The following SGCD variants were observed in gnomAD, a reference collection of about 807,000 sequenced individuals.
SGCD encodes sarcoglycan delta, also known as delta-sarcoglycan.
Under a neutral mutation model 36.6 loss-of-function variants are expected in SGCD, and 18 were observed. The ratio of observed to expected loss-of-function variants is 0.49; its 90% CI spans 0.34 to 0.73. The LOEUF (loss-of-function observed/expected upper bound fraction) is 0.73, where lower values mean the gene tolerates loss of function less well. Ranked by LOEUF, SGCD falls within the 30% of genes least tolerant of loss-of-function variation. The pLI is 0.01. For synonymous variants in SGCD, 133 were observed against 130.6 expected (o/e 1.02, Z -0.12); for missense variants, 387 against 346.7 (o/e 1.12, Z -0.92).
At chr5:155,957,684 A>C (rs1757691614) in intron 1 of SGCD, among the ~76,000 whole-genome samples, 1 of 152,020 alleles carries the variant, frequency 6.6e-6, no homozygotes, top group South Asian at 2.1e-4. Flanking sequence ...CATCTTGCAC[A>C]CCTAAGGACC....
At position 156,396,145 on chromosome 5, in the gene SGCD, A is replaced by G. The variant is rs553137454; in HGVS notation, c.192+51468A>G. 2.0e-5 allele frequency among the ~76,000 whole-genome samples: 3 copies of G among 152,286 alleles called. No individual in the cohort carries two copies. In the East Asian group the frequency reaches 5.8e-4, roughly 29 times the overall value. ...CTTCCACACTCTCCCCACCACTGCA[A>G]TCCATTTTCCCCTGGAACGATTTAA... On this transcript the variant is annotated intron_variant, in intron 3 of 8. Coordinates refer to ENST00000337851, the MANE Select transcript of SGCD (RefSeq NM_000337.6).
chr5:155,741,635 C>T, the SGCD span, among the ~76,000 whole-genome samples: 1 of 151,668 alleles, frequency 6.6e-6, no homozygotes, highest in Non-Finnish European at 1.5e-5. Flanking sequence ...ACCCCCACAC[C>T]ACTTTCCCAT....
Position 156,595,199 on chromosome 5 carries a change from C to A in SGCD, c.502+148C>A, listed in dbSNP as rs576623545. 18 of 923,834 alleles carry A rather than the reference C, an allele frequency of 1.9e-5. 1 individual carries two copies. The highest frequency in any genetic ancestry group is 1.8e-4 in the South Asian group (10 of 54,620). 57.2% of individuals were successfully genotyped at this position (923,834 alleles called of 1,614,324 possible). On this transcript the variant is annotated intron_variant, in intron 6 of 8. Transcript: ENST00000337851. ...AAGATAATGGTATTAGGAGGTGGAG[C>A]CTTGAGGGGTAATTAAGTCATGAGG...
the SGCD span, among the ~76,000 whole-genome samples, chr5:155,749,971 G>T: frequency 1.3e-5 from 2 of 152,298 alleles, no homozygotes; most frequent in African/African-American, 4.8e-5. Context: ...TGTTGAAGCT[G>T]TAATGACTTT....
At chr5:156,441,256 T>C (rs1261529529) in intron 3 of SGCD, among the ~76,000 whole-genome samples, 5 of 152,146 alleles carry the variant, frequency 3.3e-5, no homozygotes, top group African/African-American at 1.2e-4. Context: ...ACATTGGTCA[T>C]AGACACAGCG....
At chr5:156,496,801 G>A (rs916039729) in intron 3 of SGCD, among the ~76,000 whole-genome samples, 14 of 152,092 alleles carry the variant, frequency 9.2e-5, no homozygotes, top group African/African-American at 3.1e-4. Flanking sequence ...GAGCAGCAAA[G>A]TGCTTAAAAT....
chr5:155,927,052 C>T (rs1357422433), intron 1 of SGCD, among the ~76,000 whole-genome samples: 2 of 152,132 alleles, frequency 1.3e-5, no homozygotes, highest in Non-Finnish European at 2.9e-5. Context: ...AAGAGTTATC[C>T]AGTCCACAAT....
chr5:156,037,255 TG>T lies in SGCD; in HGVS notation c.-281-80619del, dbSNP rs143812826. Among the ~76,000 whole-genome samples the T allele has an allele frequency of 3.8e-3, 579 of 152,272 alleles. 4 individuals are homozygous for T. Among genetic ancestry groups the T allele is most frequent in the African/African-American group, 0.013 (551 of 41,564 alleles). On this transcript the variant is annotated intron_variant, in intron 1 of 9. Coordinates refer to the SGCD transcript ENST00000517913. The stretch of plus-strand genomic sequence containing the variant: ...CTTCCCTGAGAGAGGCAAAAGAAGC[TG>T]GGGACAAGGAGCCATCTGAGCAGCA...
chr5:155,802,818 G>T, the SGCD span, among the ~76,000 whole-genome samples: 3 of 152,132 alleles, frequency 2.0e-5, no homozygotes, highest in Admixed American at 2.0e-4. Context: ...ATGGGAAAAA[G>T]GGCCAACATG....
At chr5:155,884,214 C>A (rs1424047991) in intron 1 of SGCD, among the ~76,000 whole-genome samples, 2 of 152,136 alleles carry the variant, frequency 1.3e-5, no homozygotes, top group African/African-American at 4.8e-5. Context: ...GATGAGGGAG[C>A]TTACAGGCCT....
chr5:156,505,780 AACAC>A (rs56290159), intron 3 of SGCD, among the ~76,000 whole-genome samples: 29,186 of 150,054 alleles, frequency 0.19, 2,854 homozygotes, highest in East Asian at 0.23. Context: ...ATATACACCA[AACAC>A]ACACACACAC....
chr5:156,285,629 A>G (rs1766572291), intron 3 of SGCD, among the ~76,000 whole-genome samples: 1 of 152,224 alleles, frequency 6.6e-6, no homozygotes, highest in Non-Finnish European at 1.5e-5. Flanking sequence ...ATATGTAGAA[A>G]GCTGAAACTG....
chr5:156,377,131 A>G (rs1504927), intron 3 of SGCD, among the ~76,000 whole-genome samples: 120,977 of 152,148 alleles, frequency 0.8, 48,949 homozygotes, highest in African/African-American at 0.95. Flanking sequence ...CAGTGTTATG[A>G]GGATAATGAA....
chr5:155,849,443 C>T, the SGCD span, among the ~76,000 whole-genome samples: 23 of 150,094 alleles, frequency 1.5e-4, no homozygotes, highest in East Asian at 1.6e-3. Context: ...CACATGTGCG[C>T]GCGCACACAC....
intron 4 of SGCD, among the ~76,000 whole-genome samples, chr5:156,548,246 C>T (rs969346618): frequency 3.9e-5 from 6 of 152,142 alleles, no homozygotes; most frequent in Admixed American, 2.6e-4. Context: ...TGAATATGCT[C>T]AGCTTTGGAG....
chr5:156,416,863 C>T (rs1010949608), intron 3 of SGCD, among the ~76,000 whole-genome samples: 3 of 152,218 alleles, frequency 2.0e-5, no homozygotes, highest in African/African-American at 7.2e-5. Context: ...ACTTTGTGTC[C>T]CATTTAAAAT....
At chr5:156,477,343 C>A (rs1040710108) in intron 3 of SGCD, among the ~76,000 whole-genome samples, 1 of 152,128 alleles carries the variant, frequency 6.6e-6, no homozygotes, top group Admixed American at 6.6e-5. Context: ...ACCCATAGAA[C>A]CCACTCCTTA....
chr5:156,423,243 T>A (rs1206746551), intron 3 of SGCD, among the ~76,000 whole-genome samples: 6 of 3,980 alleles, frequency 1.5e-3, no homozygotes, highest in African/African-American at 3.2e-3. Context: ...TATATTATAT[T>A]TTATAATATT....
intron 6 of SGCD, among the ~76,000 whole-genome samples, chr5:156,616,186 A>T (rs1330811874): frequency 6.6e-6 from 1 of 152,172 alleles, no homozygotes; most frequent in Non-Finnish European, 1.5e-5. Context: ...TGAGCAGAAA[A>T]AGTGGTTATC....
Sources: allele counts gnomAD v4.1 joint callset (sites outside exome capture counted in the v4.1 genomes callset), GRCh38; gene constraint gnomAD v4.1.1; transcripts MANE v1.5; gene names NCBI Gene and HGNC (gene_info 2026-07-23, HGNC 2026-07-21).